The following CALN1 variants were observed in gnomAD, a reference collection of about 807,000 sequenced individuals.
CALN1 encodes the protein calcium-binding protein 8.
In CALN1, 17 loss-of-function variants were observed where a neutral mutation model predicts 30.6. That is an observed-to-expected ratio of 0.56 (90% CI 0.38 to 0.83). The LOEUF (loss-of-function observed/expected upper bound fraction) is 0.83. Among genes scored for constraint, CALN1 ranks in the 40% least tolerant of loss-of-function variants. The pLI is 0.00. For missense variants in CALN1, 291 were observed against 354.9 expected, an observed-to-expected ratio of 0.82 and a Z score of 1.45; for synonymous variants, 156 against 131.4, an observed-to-expected ratio of 1.19 and a Z score of -1.28.
chr7:71,810,767 C>T (rs1315403812), intron 5 of CALN1, among the ~76,000 whole-genome samples: 1 of 152,182 alleles, frequency 6.6e-6, no homozygotes, highest in Non-Finnish European at 1.5e-5. Context: ...TTCATCCAGC[C>T]ATCTGCTGTC....
chr7:72,169,861 T>C (rs1788813977), intron 3 of CALN1, among the ~76,000 whole-genome samples: 1 of 152,040 alleles, frequency 6.6e-6, no homozygotes, highest in African/African-American at 2.4e-5. Flanking sequence ...CGGCTAGTTT[T>C]TGTATCTTTT....
intron 5 of CALN1, among the ~76,000 whole-genome samples, chr7:71,858,503 GAAA>G (rs75639187): frequency 7.3e-6 from 1 of 137,922 alleles, no homozygotes. Flanking sequence ...AAAGAGTAAA[GAAA>G]AAAAAAAAAG....
chr7:72,369,358 T>TG (rs1554390903), intron 2 of CALN1, among the ~76,000 whole-genome samples: 3,980 of 62,720 alleles, frequency 0.063, 174 homozygotes, highest in African/African-American at 0.17. Context: ...ATATTTATTT[T>TG]TTTGTTGTTG....
At chr7:72,359,650 A>T (rs1045781842) in intron 2 of CALN1, among the ~76,000 whole-genome samples, 13 of 152,016 alleles carry the variant, frequency 8.6e-5, no homozygotes, top group African/African-American at 2.9e-4. Flanking sequence ...CCTCATACAA[A>T]CTCAATCAAG....
At chr7:71,825,151 G>T (rs1562813732) in intron 5 of CALN1, among the ~76,000 whole-genome samples, 1 of 152,100 alleles carries the variant, frequency 6.6e-6, no homozygotes, top group Non-Finnish European at 1.5e-5. Context: ...TCCCACGGGG[G>T]TCCAGATGTG....
intron 5 of CALN1, among the ~76,000 whole-genome samples, chr7:71,979,086 C>A (rs1798255175): frequency 6.6e-6 from 1 of 152,112 alleles, no homozygotes; most frequent in African/African-American, 2.4e-5. Context: ...GGCAAGCCTA[C>A]TGCCCCTTAG....
intron 3 of CALN1, among the ~76,000 whole-genome samples, chr7:72,106,947 GAAAA>G (rs2129541332): frequency 6.7e-6 from 1 of 149,616 alleles, no homozygotes; most frequent in Non-Finnish European, 1.5e-5. Context: ...AGGAAAAAAA[GAAAA>G]AGAAATGAAG....
At chr7:71,850,356 C>T (rs193298785) in intron 5 of CALN1, among the ~76,000 whole-genome samples, 91 of 151,842 alleles carry the variant, frequency 6.0e-4, no homozygotes, top group African/African-American at 2.1e-3. Context: ...GCTGGGATTA[C>T]AGGCGCATAC....
chr7:72,470,697 T>C, the CALN1 span, among the ~76,000 whole-genome samples: 1 of 152,144 alleles, frequency 6.6e-6, no homozygotes, highest in Non-Finnish European at 1.5e-5. Context: ...TAATAAAATA[T>C]GTCATATGTT....
chr7:72,488,071 C>T, the CALN1 span, among the ~76,000 whole-genome samples: 1 of 151,758 alleles, frequency 6.6e-6, no homozygotes, highest in African/African-American at 2.4e-5. Flanking sequence ...GTGGCTCACA[C>T]CTATGATCCC....
rs1434711189 is a variant in CALN1, at chr7:72,412,021, A to G, written c.-74+37T>C. On this transcript the variant is annotated intron_variant, in intron 1 of 6. Transcript: ENST00000395275. ...CCTGGCCCAGCTGGGAACTGCATGCAGCTGAGCCCACCATGCTCTTTAGTT... is the reference window on the plus strand; with the variant it reads ...CCTGGCCCAGCTGGGAACTGCATGCGGCTGAGCCCACCATGCTCTTTAGTT... The G allele has an allele frequency of 2.0e-5, 3 of 152,194 alleles. No individual in the cohort carries two copies. The East Asian group carries it at 5.8e-4, about 29-fold the overall frequency. 9.4% of individuals were successfully genotyped at this position (152,194 alleles called of 1,614,324 possible).
intron 2 of CALN1, among the ~76,000 whole-genome samples, chr7:72,365,724 C>G (rs1379889074): frequency 6.6e-6 from 1 of 152,116 alleles, no homozygotes; most frequent in Non-Finnish European, 1.5e-5. Flanking sequence ...AGCAACTATG[C>G]CTGACCTAAA....
intron 4 of CALN1, among the ~76,000 whole-genome samples, chr7:72,039,182 A>G (rs1217995505): frequency 6.6e-6 from 1 of 152,244 alleles, no homozygotes; most frequent in African/African-American, 2.4e-5. Context: ...AAATTTAAAA[A>G]TTAAACAGTG....
intron 5 of CALN1, among the ~76,000 whole-genome samples, chr7:71,973,322 C>A (rs368643456): frequency 1.3e-5 from 2 of 152,188 alleles, no homozygotes; most frequent in African/African-American, 4.8e-5. Context: ...ATTACATGTG[C>A]GCACCATCAC....
intron 3 of CALN1, among the ~76,000 whole-genome samples, chr7:72,269,075 G>A (rs948335267): frequency 1.3e-5 from 2 of 152,160 alleles, no homozygotes; most frequent in South Asian, 2.1e-4. Flanking sequence ...CGTAGTAGCT[G>A]CACGAACTAG....
At chr7:72,371,886 G>C (rs1027837804) in intron 2 of CALN1, among the ~76,000 whole-genome samples, 1 of 152,152 alleles carries the variant, frequency 6.6e-6, no homozygotes, top group Admixed American at 6.5e-5. Flanking sequence ...GATAAAATCA[G>C]GGCAGAATGC....
intron 3 of CALN1, among the ~76,000 whole-genome samples, chr7:72,266,452 G>A (rs1796602973): frequency 6.6e-6 from 1 of 152,166 alleles, no homozygotes; most frequent in African/African-American, 2.4e-5. Flanking sequence ...GGTAACTGGT[G>A]TTTAACTTTT....
chr7:72,492,765 G>C, the CALN1 span, among the ~76,000 whole-genome samples: 1 of 152,178 alleles, frequency 6.6e-6, no homozygotes, highest in East Asian at 1.9e-4. Context: ...CCATGGCAAC[G>C]ATCAGAAAAT....
chr7:71,964,354 G>A (rs778554108), intron 5 of CALN1, among the ~76,000 whole-genome samples: 10 of 152,294 alleles, frequency 6.6e-5, no homozygotes, highest in Admixed American at 2.6e-4. Context: ...CTTGGTGGGC[G>A]TCTGTTACAG....
Sources: gnomAD v4.1 joint callset for allele counts (sites outside exome capture counted in the v4.1 genomes callset) on GRCh38, gnomAD v4.1.1 for gene constraint, MANE v1.5 for transcripts, NCBI Gene and HGNC (gene_info 2026-07-23, HGNC 2026-07-21) for gene names.